Variants in LYAR observed in about 807,000 individuals in gnomAD.
LYAR encodes Ly1 antibody reactive.
LYAR carries 37 observed loss-of-function variants against 45.2 expected under a neutral mutation model. The ratio of observed to expected loss-of-function variants is 0.82; its 90% CI spans 0.63 to 1.08. LYAR has a LOEUF of 1.08. Ranked by LOEUF, LYAR falls within the 50% of genes least tolerant of loss-of-function variation. The pLI is 0.00. For missense variants in LYAR, 493 were observed against 451.0 expected (o/e 1.09, Z -0.84); for synonymous variants, 176 against 155.1 (o/e 1.14, Z -1.00).
chr4:4,275,331 G>A (rs1719135475), intron 6 of LYAR, among the ~76,000 whole-genome samples: 3 of 152,124 alleles, frequency 2.0e-5, no homozygotes, highest in Admixed American at 2.0e-4. Flanking sequence ...AGCCCATTGT[G>A]TGTGAAGAGT....
Position 4,274,581 on chromosome 4 carries a change from T to C in LYAR, c.618A>G (p.Leu206=). The part of the protein sequence containing the change: ...QKKRKREKKE[L]KLENHQENSR... ...AGTTTTCCTGGTGGTTTTCTAACTTTAGTTCTTTCTTTTCTCTTTTCCTTT... is the reference window on the plus strand; with the variant it reads ...AGTTTTCCTGGTGGTTTTCTAACTTCAGTTCTTTCTTTTCTCTTTTCCTTT... Residue 206 remains leucine, a synonymous_variant, in exon 7 of 10, where the codon CTA becomes CTG. Coordinates refer to ENST00000343470, the MANE Select transcript of LYAR (RefSeq NM_017816.3). 3 of 1,613,622 alleles carry C rather than the reference T, an allele frequency of 1.9e-6. No individual in the cohort carries two copies. The highest frequency in any genetic ancestry group is 1.7e-6 in the Non-Finnish European group (2 of 1,179,958).
At chr4:4,279,177 CA>C (rs1193804496) in intron 6 of LYAR, among the ~76,000 whole-genome samples, 2 of 145,824 alleles carry the variant, frequency 1.4e-5, no homozygotes, top group Non-Finnish European at 3.0e-5. Context: ...AAAAAAAATA[CA>C]AAAAATTAGC....
At chr4:4,289,115 G>A (rs1250894492) in intron 1 of LYAR, among the ~76,000 whole-genome samples, 1 of 152,200 alleles carries the variant, frequency 6.6e-6, no homozygotes, top group Admixed American at 6.5e-5. Flanking sequence ...GCTGACAAGG[G>A]TTACAATGGG....
At chr4:4,285,981 A>T (rs113851193) in intron 2 of LYAR, among the ~76,000 whole-genome samples, 4 of 152,364 alleles carry the variant, frequency 2.6e-5, no homozygotes, top group Admixed American at 2.0e-4. Flanking sequence ...TTAAATATCA[A>T]TTCAGAAGGT....
chr4:4,277,312 G>A (rs1719221091), intron 6 of LYAR, among the ~76,000 whole-genome samples: 1 of 152,004 alleles, frequency 6.6e-6, no homozygotes, highest in Admixed American at 6.5e-5. Context: ...CTCCCAAAGT[G>A]CTGGGATTAT....
At chr4:4,275,895 C>A (rs1017107821) in intron 6 of LYAR, among the ~76,000 whole-genome samples, 4 of 152,140 alleles carry the variant, frequency 2.6e-5, no homozygotes, top group Non-Finnish European at 4.4e-5. Flanking sequence ...AGGGTTTCAC[C>A]ATGTTGGCCA....
chr4:4,279,461 C>T lies in LYAR; in HGVS notation c.415G>A (p.Glu139Lys). Residue 139 changes from glutamate (E) to lysine (K), a missense_variant, in exon 6 of 10, where the codon GAA (glutamate) becomes AAA (lysine). Physicochemically the swap from Glu to Lys is moderately conservative, Grantham distance 56 (BLOSUM62 1). Transcript: ENST00000343470. ...ILDQVWNIFS[E>K]ASNSEPVNKE... ...ATCTGACTTACGCTGTTGGAAGCTT[C>T]AGAAAAGATATTCCACACCTGGTCC... is the stretch of plus-strand genomic sequence containing the variant. 1 of 1,610,898 alleles carries T rather than the reference C, an allele frequency of 6.2e-7. No homozygotes were observed. The highest frequency in any genetic ancestry group is 8.5e-7 in the Non-Finnish European group (1 of 1,177,346).
chr4:4,288,180 A>T (rs944249855), intron 1 of LYAR, among the ~76,000 whole-genome samples: 1 of 152,228 alleles, frequency 6.6e-6, no homozygotes, highest in African/African-American at 2.4e-5. Flanking sequence ...AAAGTTAAAT[A>T]AGACACCAGA....
chr4:4,285,597 C>T (rs7693612), intron 2 of LYAR, among the ~76,000 whole-genome samples: 3,717 of 152,294 alleles, frequency 0.024, 144 homozygotes, highest in African/African-American at 0.083. Flanking sequence ...TCATCACAGG[C>T]ACAAGGTGAA....
chr4:4,283,581 T>C, intron 3 of LYAR, 40 bp downstream of exon 3: 1 of 1,578,996 alleles, frequency 6.3e-7, no homozygotes, highest in Non-Finnish European at 8.6e-7. Context: ...AAAACTGATC[T>C]GGATTTACTA....
intron 4 of LYAR, among the ~76,000 whole-genome samples, chr4:4,281,328 CTTTCT>C (rs910178862): frequency 1.4e-5 from 2 of 147,422 alleles, no homozygotes; most frequent in East Asian, 1.9e-4. Flanking sequence ...AACTTTTTTT[CTTTCT>C]TTTCTTTTTC....
At chr4:4,286,893 C>T (rs558390801) in intron 1 of LYAR, among the ~76,000 whole-genome samples, 303 of 127,406 alleles carry the variant, frequency 2.4e-3, no homozygotes, top group Non-Finnish European at 3.8e-3. Flanking sequence ...CCTCGTGATC[C>T]GCCTGCCTCG....
chr4:4,285,978 T>C (rs974874099), intron 2 of LYAR, among the ~76,000 whole-genome samples: 6 of 152,232 alleles, frequency 3.9e-5, no homozygotes, highest in African/African-American at 1.4e-4. Flanking sequence ...TAATTAAATA[T>C]CAATTCAGAA....
chr4:4,286,765 G>A (rs1396363798), intron 1 of LYAR, among the ~76,000 whole-genome samples, 193 bp from the exon 2 acceptor site: 2 of 148,966 alleles, frequency 1.3e-5, no homozygotes, highest in Non-Finnish European at 2.9e-5. Flanking sequence ...TCTTGCCTCA[G>A]CCTCCCGAGT....
rs759378784 is a variant in LYAR, at chr4:4,281,832, T to C, written c.188A>G (p.Tyr63Cys). 80 of 1,614,118 alleles carry C rather than the reference T, an allele frequency of 5.0e-5. No individual in the cohort carries two copies. The highest frequency in any genetic ancestry group is 6.7e-5 in the Non-Finnish European group (79 of 1,180,040). Reference sequence around the variant, plus strand: ...GTCGCCTTTGTGGGTTTTACCTTCATAGCCTTTGCCACCATACTTCTGATC... The same window carrying C: ...GTCGCCTTTGTGGGTTTTACCTTCACAGCCTTTGCCACCATACTTCTGATC... ...SEDQKYGGKG[Y>C]EGKTHKGDIK... Residue 63 changes from tyrosine (Y) to cysteine (C), a missense_variant, in exon 4 of 10, where the codon TAT (tyrosine) becomes TGT (cysteine). Transcript: ENST00000343470.
intron 2 of LYAR, among the ~76,000 whole-genome samples, chr4:4,285,934 CTA>C (rs1334505678): frequency 6.6e-6 from 1 of 152,236 alleles, no homozygotes; most frequent in Admixed American, 6.5e-5. Flanking sequence ...GCCAAACATT[CTA>C]TCTCTCTGGA....
intron 4 of LYAR, among the ~76,000 whole-genome samples, chr4:4,280,898 C>T (rs1719367770): frequency 6.6e-6 from 1 of 152,226 alleles, no homozygotes; most frequent in Non-Finnish European, 1.5e-5. Flanking sequence ...CAATAGATGA[C>T]ATCCGTCTTT....
At position 4,283,605 on chromosome 4, in the gene LYAR, A is replaced by G; in HGVS notation, c.122+16T>C. The G allele has an allele frequency of 6.2e-7, 1 of 1,606,566 alleles. No individual in the cohort carries two copies. The highest frequency in any genetic ancestry group is 8.5e-7 in the Non-Finnish European group (1 of 1,177,518). The stretch of plus-strand genomic sequence containing the variant: ...CTGGATTTACTATGGATCTACATGA[A>G]TTCTGTGAAGCTTACCAGAAATCTT... On this transcript the variant is annotated intron_variant, in intron 3 of 9. Transcript: ENST00000343470.
At chr4:4,289,499 T>C (rs181330427) in intron 1 of LYAR, 1 of 152,358 alleles carries the variant, frequency 6.6e-6, no homozygotes, top group East Asian at 1.9e-4. Flanking sequence ...CATAGGAGGT[T>C]AACACATTTC....
Sources: allele counts gnomAD v4.1 joint callset (sites outside exome capture counted in the v4.1 genomes callset), GRCh38; gene constraint gnomAD v4.1.1; transcripts MANE v1.5; gene names NCBI Gene and HGNC (gene_info 2026-07-23, HGNC 2026-07-21).